The following VSX1 variants were observed in gnomAD, a reference collection of about 807,000 sequenced individuals.
VSX1 encodes the protein visual system homeobox 1, also known as homeodomain protein RINX.
Under a neutral mutation model 23.6 loss-of-function variants are expected in VSX1, and 23 were observed. That is an observed-to-expected ratio of 0.97 (90% CI 0.70 to 1.38). The LOEUF (loss-of-function observed/expected upper bound fraction) is 1.38. Among genes scored for constraint, VSX1 ranks in the 40% most tolerant of loss-of-function variants. VSX1 has a pLI of 0.00. For synonymous variants in VSX1, 247 were observed against 215.1 expected (o/e 1.15, Z -1.30); for missense variants, 517 against 495.4 (o/e 1.04, Z -0.41).
At position 25,076,250 on chromosome 20, in the gene VSX1, A is replaced by G. The variant is rs529733028; in HGVS notation, c.*11T>C. ...CACATTTTCAGCCTTTGACAGTGGG[A>G]CCTGTGGGTCTCATGTGGCTCCCAC... On this transcript the variant is annotated 3_prime_UTR_variant, in exon 5 of 5. Transcript: ENST00000376709. 3.9e-5 allele frequency: 63 copies of G among 1,613,896 alleles called. No individual in the cohort carries two copies. In the South Asian group the frequency reaches 6.3e-4, roughly 16 times the overall value.
downstream of VSX1, chr20:25,071,918 G>A (rs933388665): frequency 7.3e-6 from 5 of 687,752 alleles, no homozygotes; most frequent in African/African-American, 5.3e-5. Context: ...AGCATTACAG[G>A]GTTCAGCTGA....
At chr20:25,073,729 C>A (rs542384659), downstream of VSX1, among the ~76,000 whole-genome samples, 1 of 152,332 alleles carries the variant, frequency 6.6e-6, no homozygotes, top group Admixed American at 6.5e-5. Flanking sequence ...GTAATCTCCA[C>A]TGTGATGTCT....
downstream of VSX1, chr20:25,075,323 G>A (rs2089464674): frequency 6.6e-6 from 1 of 152,308 alleles, no homozygotes; most frequent in East Asian, 1.9e-4. Flanking sequence ...AGTTGACAAG[G>A]CAACACATGG....
At position 25,076,214 on chromosome 20, in the gene VSX1, T is replaced by C; in HGVS notation, c.*47A>G. 1.2e-6 allele frequency: 2 copies of C among 1,612,148 alleles called. No individual in the cohort carries two copies. The highest frequency in any genetic ancestry group is 4.5e-5 in the East Asian group (2 of 44,890). On this transcript the variant is annotated 3_prime_UTR_variant, in exon 5 of 5. Coordinates refer to ENST00000376709, the MANE Select transcript of VSX1 (RefSeq NM_014588.6). The stretch of plus-strand genomic sequence containing the variant: ...ATTTTTGTCTTTTGGAAAATGCCAG[T>C]GAGGAATATGCACATTTTCAGCCTT...
Position 25,076,067 on chromosome 20 carries a change from C to T in VSX1, c.*194G>A. The T allele has an allele frequency of 2.8e-6, 2 of 725,400 alleles. No individual in the cohort carries two copies. The highest frequency in any genetic ancestry group is 3.5e-5 in the African/African-American group (2 of 56,458). The allele number at this position is 725,400 out of a possible 1,614,324, so 44.9% of individuals were successfully genotyped here. On this transcript the variant is annotated 3_prime_UTR_variant, in exon 5 of 5. Coordinates refer to ENST00000376709, the MANE Select transcript of VSX1 (RefSeq NM_014588.6). ...TTAAAGTGCCATTAAGGAACCGTTT[C>T]CATTCTAGAATGAAATAGAATTTTC...
chr20:25,076,193 T>C lies in VSX1; in HGVS notation c.*68A>G. The C allele has an allele frequency of 6.2e-7, 1 of 1,607,060 alleles. No individual in the cohort carries two copies. The highest frequency in any genetic ancestry group is 1.1e-5 in the South Asian group (1 of 90,756). ...TGAGAGTATATGTCTTGGACAATTT[T>C]TGTCTTTTGGAAAATGCCAGTGAGG... On this transcript the variant is annotated 3_prime_UTR_variant, in exon 5 of 5. Coordinates refer to ENST00000376709, the MANE Select transcript of VSX1 (RefSeq NM_014588.6).
At chr20:25,072,596 C>A (rs1208634960), downstream of VSX1, 1 of 471,190 alleles carries the variant, frequency 2.1e-6, no homozygotes, top group Non-Finnish European at 4.4e-6. Context: ...ATTTGACAAT[C>A]GGCTTAGCAG....
downstream of VSX1, chr20:25,072,612 C>T (rs758182587): frequency 5.5e-5 from 26 of 471,182 alleles, no homozygotes; most frequent in South Asian, 3.9e-4. Context: ...AGCAGGTTCA[C>T]TTCATTTCTC....
chr20:25,079,306 T>C (rs1170791574), intron 2 of VSX1, 130 bp downstream of exon 2: 2 of 929,528 alleles, frequency 2.2e-6, no homozygotes, highest in Non-Finnish European at 3.2e-6. Flanking sequence ...TTCTGTGCCC[T>C]TCCCATTGCC....
chr20:25,077,780 T>C lies in VSX1; in HGVS notation c.713A>G (p.Tyr238Cys). Residue 238 changes from tyrosine (Y) to cysteine (C), a missense_variant, in exon 4 of 5, where the codon TAC becomes TGC. Tyr to Cys is a radical substitution (Grantham distance 194). Transcript: ENST00000376709. The part of the protein sequence containing the change: ...GSSVMAEYGL[Y>C]GAMVRHCIPL... The stretch of plus-strand genomic sequence containing the variant: ...GATGCAGTGGCGCACCATGGCCCCG[T>C]ACAGCCCGTACTCGGCCATCACGCT... 1.3e-6 allele frequency: 2 copies of C among 1,550,940 alleles called. No individual in the cohort carries two copies. The highest frequency in any genetic ancestry group is 2.7e-5 in the African/African-American group (2 of 73,142).
At position 25,076,029 on chromosome 20, in the gene VSX1, C is replaced by A; in HGVS notation, c.*232G>T. The A allele has an allele frequency of 1.7e-6, 1 of 596,434 alleles. No individual in the cohort carries two copies. The highest frequency in any genetic ancestry group is 2.9e-6 in the Non-Finnish European group (1 of 342,252). 36.9% of individuals were successfully genotyped at this position (596,434 alleles called of 1,614,324 possible). A position where few individuals can be genotyped will look rare whatever the true frequency, so the allele number is the denominator to read the frequency against. ...ACAAAAGAGAATCAAAAGTTTTGCA[C>A]CAAGTTAACTGGTTAAAGTGCCATT... On this transcript the variant is annotated 3_prime_UTR_variant, in exon 5 of 5. Transcript: ENST00000376709.
rs1263492285 is a variant in VSX1, at chr20:25,076,127, G to A, written c.*134C>T. The stretch of plus-strand genomic sequence containing the variant: ...CTCATCTGTCCTCTTAAAGCAAGTG[G>A]CATTGCATTTTATCTTGACATTGTC... On this transcript the variant is annotated 3_prime_UTR_variant, in exon 5 of 5. Transcript: ENST00000376709. 8 of 1,261,384 alleles carry A rather than the reference G, an allele frequency of 6.3e-6. No homozygotes were observed. The highest frequency in any genetic ancestry group is 9.1e-6 in the Non-Finnish European group (8 of 880,082). 78.1% of individuals were successfully genotyped at this position (1,261,384 alleles called of 1,614,324 possible). A position where few individuals can be genotyped will look rare whatever the true frequency, so the allele number is the denominator to read the frequency against.
chr20:25,078,598 C>G (rs1232898428), intron 3 of VSX1: 1 of 1,415,776 alleles, frequency 7.1e-7, no homozygotes, highest in African/African-American at 1.5e-5. Context: ...TTGCAGCACA[C>G]ATTATCATGT....
intron 1 of VSX1, chr20:25,081,457 A>G (rs1247136714): frequency 1.2e-6 from 1 of 811,178 alleles, no homozygotes; most frequent in Non-Finnish European, 2.2e-6. Flanking sequence ...CGCTGAGGGA[A>G]CAGGACCCCG....
intron 1 of VSX1, among the ~76,000 whole-genome samples, chr20:25,080,134 C>T (rs1170442628): frequency 6.6e-6 from 1 of 152,180 alleles, no homozygotes; most frequent in African/African-American, 2.4e-5. Context: ...AGAACCACTC[C>T]ACTGTGCTTT....
At position 25,076,470 on chromosome 20, in the gene VSX1, AGTG is replaced by A; in HGVS notation, c.886_888del (p.His296del). 1.2e-6 allele frequency: 2 copies of A among 1,614,184 alleles called. No individual in the cohort carries two copies. The highest frequency in any genetic ancestry group is 1.7e-6 in the Non-Finnish European group (2 of 1,180,034). On this transcript the variant is annotated inframe_deletion, in exon 5 of 5. Transcript: ENST00000376709. ...TCACTCTGGCTAGAACCTTCTTTGA[AGTG>A]GTCAGAGCCCCAGAGTCCTGCCAAC... is the stretch of plus-strand genomic sequence containing the variant.
chr20:25,072,266 T>C (rs186984166), downstream of VSX1, among the ~76,000 whole-genome samples: 13 of 152,306 alleles, frequency 8.5e-5, no homozygotes, highest in African/African-American at 3.1e-4. Flanking sequence ...ACATACACCA[T>C]GTCTTTAATC....
rs572025075 is a variant in VSX1, at chr20:25,078,980, G to T, written c.504-28C>A. On this transcript the variant is annotated intron_variant, in intron 2 of 4. Transcript: ENST00000376709. ...GCAAGGACCCCAAAACACACAGGTG[G>T]GCACATGTCCCCTGGGGACAGCAGC... 4 of 1,612,752 alleles carry T rather than the reference G, an allele frequency of 2.5e-6. No homozygotes were observed. In the African/African-American group the frequency reaches 5.3e-5, roughly 22 times the overall value.
chr20:25,078,105 G>C, intron 3 of VSX1: 1 of 587,708 alleles, frequency 1.7e-6, no homozygotes, highest in East Asian at 2.8e-5. Flanking sequence ...AGGGACACTT[G>C]TGACCACGTC....
Sources: allele counts gnomAD v4.1 joint callset (sites outside exome capture counted in the v4.1 genomes callset), GRCh38; gene constraint gnomAD v4.1.1; transcripts MANE v1.5; gene names NCBI Gene and HGNC (gene_info 2026-07-23, HGNC 2026-07-21).